The following KLHL4 variants were observed in gnomAD, a reference collection of about 807,000 sequenced individuals.
KLHL4 encodes the protein kelch like family member 4.
Under a neutral mutation model 45.8 loss-of-function variants are expected in KLHL4, and 17 were observed. The ratio of observed to expected loss-of-function variants is 0.37; its 90% confidence interval spans 0.25 to 0.56. KLHL4 has a LOEUF of 0.56. KLHL4 is among the 20% of genes least tolerant of loss of function. The probability of loss-of-function intolerance (pLI) is 0.79; values close to 1 mark genes in which losing one functional copy is unlikely to be tolerated. For missense variants in KLHL4, 544 were observed against 544.9 expected (o/e 1.00, Z 0.02); for synonymous variants, 224 against 189.9 (o/e 1.18, Z -1.47).
At chrX:87,531,433 T>C (rs1931274819) in intron 1 of KLHL4, among the ~76,000 whole-genome samples, 1 of 111,383 alleles carries the variant, frequency 9.0e-6, no homozygotes, top group Non-Finnish European at 1.9e-5. Context: ...CACCTTGAAT[T>C]GATTTTTGTA....
At chrX:87,533,767 C>G (rs929523860) in intron 1 of KLHL4, among the ~76,000 whole-genome samples, 1 of 110,958 alleles carries the variant, frequency 9.0e-6, no homozygotes, top group African/African-American at 3.3e-5. Context: ...ATCTTAAAAC[C>G]TACTCAATTT....
At chrX:87,592,177 C>T (rs888504244) in intron 1 of KLHL4, among the ~76,000 whole-genome samples, 1 of 111,841 alleles carries the variant, frequency 8.9e-6, no homozygotes, top group Non-Finnish European at 1.9e-5. Flanking sequence ...CATGTGTTTG[C>T]AAATGACAGG....
At chrX:87,565,492 CTGAGGCAGGTGGATCACT>C (rs1932187145) in intron 1 of KLHL4, among the ~76,000 whole-genome samples, 1 of 110,355 alleles carries the variant, frequency 9.1e-6, no homozygotes, top group Non-Finnish European at 1.9e-5. Context: ...CTTTGGGAGG[CTGAGGCAGGTGGATCACT>C]TGAGGCCAAG....
At chrX:87,646,546 C>T (rs1309442237) in intron 9 of KLHL4, among the ~76,000 whole-genome samples, 1 of 111,262 alleles carries the variant, frequency 9.0e-6, no homozygotes, top group Non-Finnish European at 1.9e-5. Flanking sequence ...TAAAACTAGG[C>T]ATATAGATGA....
At chrX:87,542,547 C>A (rs191624254) in intron 1 of KLHL4, among the ~76,000 whole-genome samples, 1 of 112,476 alleles carries the variant, frequency 8.9e-6, no homozygotes, top group Non-Finnish European at 1.9e-5. Flanking sequence ...CTAATGACAG[C>A]CCAGCTGTGT....
intron 9 of KLHL4, among the ~76,000 whole-genome samples, chrX:87,649,006 C>G (rs1358962258): frequency 9.0e-6 from 1 of 111,557 alleles, no homozygotes; most frequent in Non-Finnish European, 1.9e-5. Context: ...ACAATCACCT[C>G]TTAATAGTGC....
chrX:87,653,805 A>C (rs1923897589), intron 9 of KLHL4, among the ~76,000 whole-genome samples: 1 of 112,166 alleles, frequency 8.9e-6, no homozygotes, highest in East Asian at 2.8e-4. Context: ...AGCCATAAAA[A>C]GGAATGAAAT....
intron 1 of KLHL4, among the ~76,000 whole-genome samples, chrX:87,558,360 G>A (rs891543188): frequency 1.5e-4 from 17 of 111,321 alleles, no homozygotes; most frequent in African/African-American, 5.2e-4. Context: ...GGGAATAAAT[G>A]CAAAGTTTTT....
chrX:87,529,972 G>T (rs773308051), intron 1 of KLHL4, among the ~76,000 whole-genome samples: 1 of 111,641 alleles, frequency 9.0e-6, no homozygotes, highest in South Asian at 3.7e-4. Context: ...TATAATCAAA[G>T]AATTATAGTA....
intron 9 of KLHL4, among the ~76,000 whole-genome samples, chrX:87,654,650 G>C (rs1923929033): frequency 9.0e-6 from 1 of 111,638 alleles, no homozygotes; most frequent in African/African-American, 3.3e-5. Flanking sequence ...TTTTCCTTCA[G>C]GTAGATACGT....
chrX:87,550,572 A>G (rs760990048), intron 1 of KLHL4, among the ~76,000 whole-genome samples: 1 of 111,341 alleles, frequency 9.0e-6, no homozygotes, highest in Non-Finnish European at 1.9e-5. Context: ...ACTACAGACC[A>G]ATATCCCTCA....
In KLHL4 at chrX:87,517,970, T is replaced by TC; in HGVS notation, c.77_78insC (p.Gln27SerfsTer16). On this transcript the variant is annotated frameshift_variant, in exon 1 of 11. Transcript: ENST00000373119. LOFTEE classifies it high-confidence loss of function. ...CGCTGGAGGTGGTTTAGTCATCCTT[T>TC]TCAAGGTTCCACCAACACTGGAAGC... 1 of 1,211,435 alleles carries TC rather than the reference T, an allele frequency of 8.3e-7. No homozygotes were observed. Among genetic ancestry groups the TC allele is most frequent in the Non-Finnish European group, 1.1e-6 (1 of 895,315 alleles).
intron 9 of KLHL4, among the ~76,000 whole-genome samples, chrX:87,642,266 G>A (rs1923486734): frequency 9.0e-6 from 1 of 111,203 alleles, no homozygotes; most frequent in Non-Finnish European, 1.9e-5. Flanking sequence ...AGACTTGCTG[G>A]GTGGCTAGAC....
chrX:87,648,618 G>T (rs1188993196), intron 9 of KLHL4, among the ~76,000 whole-genome samples: 2 of 111,011 alleles, frequency 1.8e-5, no homozygotes, highest in Non-Finnish European at 3.8e-5. Context: ...ATAAAGGATA[G>T]AATTTAGGCA....
intron 1 of KLHL4, among the ~76,000 whole-genome samples, chrX:87,535,859 G>T (rs1481091180): frequency 9.1e-6 from 1 of 110,080 alleles, no homozygotes; most frequent in Non-Finnish European, 1.9e-5. Context: ...GTCCTTGCAA[G>T]CTCTGGTTGA....
intron 8 of KLHL4, among the ~76,000 whole-genome samples, chrX:87,634,928 T>C (rs1232410074): frequency 2.7e-5 from 3 of 111,836 alleles, no homozygotes; most frequent in Non-Finnish European, 5.6e-5. Context: ...TATGGATTAA[T>C]AAATGTCTGT....
intron 1 of KLHL4, among the ~76,000 whole-genome samples, chrX:87,573,314 T>G (rs2147791016): frequency 9.0e-6 from 1 of 111,405 alleles, no homozygotes. Flanking sequence ...TTTTTTCAAA[T>G]AGTCTCCAAT....
chrX:87,593,735 G>A (rs1422243525), intron 1 of KLHL4, among the ~76,000 whole-genome samples: 2 of 110,929 alleles, frequency 1.8e-5, no homozygotes, highest in African/African-American at 6.6e-5. Context: ...CTTTCAAGGA[G>A]CCACCAGAGA....
intron 4 of KLHL4, among the ~76,000 whole-genome samples, chrX:87,620,425 T>C (rs1381965494): frequency 1.8e-5 from 2 of 111,893 alleles, no homozygotes; most frequent in Admixed American, 9.5e-5. Context: ...TAGACTAATC[T>C]ACTATATTGC....
Sources: allele counts gnomAD v4.1 joint callset (sites outside exome capture counted in the v4.1 genomes callset), GRCh38; gene constraint gnomAD v4.1.1; transcripts MANE v1.5; gene names NCBI Gene and HGNC (gene_info 2026-07-23, HGNC 2026-07-21).